RBM6: variants seen among roughly 807,000 people sequenced by gnomAD.
The protein encoded by RBM6 is RNA-binding protein 6.
In RBM6, 23 loss-of-function variants were observed where a neutral mutation model predicts 140.4. The observed-to-expected ratio is 0.16, with a 90% CI of 0.12 to 0.23. The LOEUF (loss-of-function observed/expected upper bound fraction) is 0.23, where lower values mean the gene tolerates loss of function less well. Ranked by LOEUF, RBM6 falls within the 10% of genes least tolerant of loss-of-function variation. RBM6 has a pLI of 1.00. For synonymous variants in RBM6, 439 were observed against 475.6 expected, an observed-to-expected ratio of 0.92 and a Z score of 1.00; for missense variants, 1,139 against 1,386.7, an observed-to-expected ratio of 0.82 and a Z score of 2.84.
chr3:50,013,923 C>T (rs567240179), intron 6 of RBM6, among the ~76,000 whole-genome samples: 43 of 152,228 alleles, frequency 2.8e-4, no homozygotes, highest in Non-Finnish European at 5.3e-4. Context: ...TTTTGGTTGT[C>T]ACCACTGGGA....
chr3:49,983,393 G>A lies in RBM6; in HGVS notation c.1483+8001G>A, dbSNP rs147967550. Among the ~76,000 whole-genome samples, 415 of 151,924 alleles carry A rather than the reference G, an allele frequency of 2.7e-3. 3 individuals carry two copies. Among genetic ancestry groups the A allele is most frequent in the African/African-American group, 9.1e-3 (376 of 41,434 alleles). On this transcript the variant is annotated intron_variant, in intron 5 of 20. Transcript: ENST00000266022. ...TGTAGTCTTAGCTACTCAACAGTCC[G>A]AGACATGAGCTCAGGAGTTTGTGAC...
chr3:50,041,484 G>T (rs1282550621), intron 6 of RBM6, among the ~76,000 whole-genome samples: 1 of 152,072 alleles, frequency 6.6e-6, no homozygotes, highest in Non-Finnish European at 1.5e-5. Flanking sequence ...AAAAATATTT[G>T]AACTATAACA....
At chr3:49,951,573 T>C (rs1281747279) in intron 1 of RBM6, among the ~76,000 whole-genome samples, 3 of 151,302 alleles carry the variant, frequency 2.0e-5, no homozygotes, top group Admixed American at 6.6e-5. Context: ...TATTTATTTA[T>C]TTATTTATGT....
At chr3:50,036,751 G>A (rs1451682786) in intron 6 of RBM6, among the ~76,000 whole-genome samples, 2 of 152,214 alleles carry the variant, frequency 1.3e-5, no homozygotes, top group Non-Finnish European at 2.9e-5. Flanking sequence ...TGTATCCCAT[G>A]TATCCCAGTG....
chr3:49,990,668 GT>G (rs1230620235), intron 5 of RBM6, among the ~76,000 whole-genome samples: 1 of 151,930 alleles, frequency 6.6e-6, no homozygotes, highest in African/African-American at 2.4e-5. Flanking sequence ...ATCTTTTTTT[GT>G]GGGGGAAACC....
intron 10 of RBM6, 192 bp from the exon 11 acceptor site, chr3:50,059,457 A>G (rs2089849989): frequency 8.3e-6 from 4 of 480,270 alleles, no homozygotes; most frequent in Non-Finnish European, 1.5e-5. Flanking sequence ...TCCTGTTCCA[A>G]TCAGTCCTTC....
intron 6 of RBM6, among the ~76,000 whole-genome samples, chr3:50,033,113 A>G (rs1319337095): frequency 1.3e-5 from 2 of 152,142 alleles, no homozygotes; most frequent in Non-Finnish European, 2.9e-5. Context: ...CCTGGCCAAC[A>G]TGGAGAAACC....
intron 15 of RBM6, among the ~76,000 whole-genome samples, chr3:50,063,202 C>A (rs942972379): frequency 2.6e-5 from 4 of 152,112 alleles, no homozygotes; most frequent in African/African-American, 9.7e-5. Context: ...TCTTTCTAAT[C>A]TTATACTGTC....
At chr3:50,029,594 G>A (rs996138908) in intron 6 of RBM6, among the ~76,000 whole-genome samples, 1 of 152,034 alleles carries the variant, frequency 6.6e-6, no homozygotes, top group Non-Finnish European at 1.5e-5. Flanking sequence ...TTAGCTGGGC[G>A]TGGTGGCGTG....
At chr3:49,980,300 C>T (rs933189387) in intron 5 of RBM6, among the ~76,000 whole-genome samples, 1 of 151,796 alleles carries the variant, frequency 6.6e-6, no homozygotes, top group Non-Finnish European at 1.5e-5. Flanking sequence ...CCACCATGCC[C>T]GGCTGAGAGT....
intron 6 of RBM6, 64 bp downstream of exon 6, chr3:49,999,577 G>C: frequency 6.8e-6 from 9 of 1,314,800 alleles, no homozygotes; most frequent in East Asian, 2.3e-5. Flanking sequence ...GGGGAGGGAG[G>C]GTTTCAAATG....
intron 6 of RBM6, among the ~76,000 whole-genome samples, chr3:50,025,704 C>T (rs2087773830): frequency 6.7e-6 from 1 of 149,932 alleles, no homozygotes; most frequent in African/African-American, 2.4e-5. Context: ...GGAATATAGG[C>T]GTGAGCCACT....
chr3:49,971,900 A>AC (rs1262040123), intron 3 of RBM6, among the ~76,000 whole-genome samples, 159 bp from the exon 4 acceptor site: 1 of 152,224 alleles, frequency 6.6e-6, no homozygotes, highest in Admixed American at 6.5e-5. Flanking sequence ...ATTTGAAGTC[A>AC]CATTCTGGCA....
intron 6 of RBM6, among the ~76,000 whole-genome samples, chr3:50,038,723 C>G (rs1365368620): frequency 6.6e-6 from 1 of 152,134 alleles, no homozygotes; most frequent in Non-Finnish European, 1.5e-5. Flanking sequence ...GTCCCAACTA[C>G]TCAGGAGGCT....
chr3:49,980,199 T>C (rs1264765210), intron 5 of RBM6, among the ~76,000 whole-genome samples: 5 of 151,756 alleles, frequency 3.3e-5, no homozygotes, highest in African/African-American at 4.8e-5. Flanking sequence ...GCGACAGGGT[T>C]GCGCCATGTT....
chr3:50,004,473 TA>T (rs1286630215), intron 6 of RBM6, among the ~76,000 whole-genome samples: 21 of 139,020 alleles, frequency 1.5e-4, no homozygotes, highest in African/African-American at 5.0e-4. Flanking sequence ...CACAGCTGGC[TA>T]TTTTTTTTTT....
At chr3:50,009,532 A>G (rs1308344984) in intron 6 of RBM6, among the ~76,000 whole-genome samples, 1 of 152,124 alleles carries the variant, frequency 6.6e-6, no homozygotes. Flanking sequence ...TGATGAACTG[A>G]TAGTTTATCT....
intron 10 of RBM6, 146 bp from the exon 11 acceptor site, chr3:50,059,503 C>A: frequency 1.7e-6 from 1 of 595,880 alleles, no homozygotes; most frequent in Non-Finnish European, 2.9e-6. Context: ...TATGCTCTTA[C>A]TGTTAAAATT....
At chr3:49,999,899 A>G (rs532870087) in intron 6 of RBM6, among the ~76,000 whole-genome samples, 1 of 152,322 alleles carries the variant, frequency 6.6e-6, no homozygotes, top group African/African-American at 2.4e-5. Flanking sequence ...ATTCTAGGTC[A>G]ATAGTTACAC....
Sources: gnomAD v4.1 joint callset for allele counts (sites outside exome capture counted in the v4.1 genomes callset) on GRCh38, gnomAD v4.1.1 for gene constraint, MANE v1.5 for transcripts, NCBI Gene and HGNC (gene_info 2026-07-23, HGNC 2026-07-21) for gene names.